The following SAMD12 variants were observed in gnomAD, a reference collection of about 807,000 sequenced individuals.
SAMD12 encodes the protein sterile alpha motif domain-containing protein 12.
A neutral mutation model predicts 15.0 loss-of-function variants in SAMD12; 9 were observed. The observed-to-expected ratio is 0.60, with a 90% CI of 0.36 to 1.05. The LOEUF (loss-of-function observed/expected upper bound fraction) is 1.05, where lower values mean the gene tolerates loss of function less well. Ranked by LOEUF, SAMD12 falls within the 50% of genes least tolerant of loss-of-function variation. The pLI is 0.01. For synonymous variants in SAMD12, 86 were observed against 90.1 expected, an observed-to-expected ratio of 0.96 and a Z score of 0.25; for missense variants, 230 against 234.2, an observed-to-expected ratio of 0.98 and a Z score of 0.12.
At chr8:118,478,787 T>G (rs1824038967) in intron 2 of SAMD12, among the ~76,000 whole-genome samples, 1 of 152,202 alleles carries the variant, frequency 6.6e-6, no homozygotes, top group Non-Finnish European at 1.5e-5. Context: ...ATTGATCTGC[T>G]TTTCATGATC....
intron 2 of SAMD12, among the ~76,000 whole-genome samples, chr8:118,477,190 T>G (rs1823985594): frequency 6.6e-6 from 1 of 152,000 alleles, no homozygotes; most frequent in Admixed American, 6.6e-5. Flanking sequence ...CTCAGCCTCC[T>G]GAGTAGCTGG....
chr8:118,357,904 G>C (rs1483458138), intron 4 of SAMD12, among the ~76,000 whole-genome samples: 1 of 152,114 alleles, frequency 6.6e-6, no homozygotes, highest in Non-Finnish European at 1.5e-5. Flanking sequence ...TCAGCACTTT[G>C]GGAGACCAAG....
rs750223777 is a variant in SAMD12 at position 118,526,471 on chromosome 8, C to G, written c.192+54244G>C. 3.0e-4 allele frequency among the ~76,000 whole-genome samples: 46 copies of G among 152,034 alleles called. 1 individual carries two copies. The highest frequency in any genetic ancestry group is 6.2e-4 in the South Asian group (3 of 4,818). ...TAGCTCTGGGATGAAGCCCAGAGACCTGTAGTTTTAATAGGCACCCAGGTG... is the reference window on the plus strand; with the variant it reads ...TAGCTCTGGGATGAAGCCCAGAGACGTGTAGTTTTAATAGGCACCCAGGTG... On this transcript the variant is annotated intron_variant, in intron 2 of 3. Coordinates refer to ENST00000314727, the MANE Select transcript of SAMD12 (RefSeq NM_207506.3).
At chr8:118,207,636 C>T (rs1819898488) in intron 4 of SAMD12, among the ~76,000 whole-genome samples, 1 of 152,222 alleles carries the variant, frequency 6.6e-6, no homozygotes, top group Admixed American at 6.5e-5. Context: ...CTCTTAGTCA[C>T]AGAGCACAGA....
intron 4 of SAMD12, among the ~76,000 whole-genome samples, chr8:118,258,399 A>G (rs1472358276): frequency 2.6e-5 from 4 of 152,104 alleles, no homozygotes; most frequent in African/African-American, 7.2e-5. Context: ...CATATTGGTG[A>G]TTGGGGAGTT....
chr8:118,458,742 G>A (rs1313177644), intron 2 of SAMD12, among the ~76,000 whole-genome samples: 3 of 152,254 alleles, frequency 2.0e-5, no homozygotes, highest in Non-Finnish European at 4.4e-5. Context: ...CTCTATTTTA[G>A]CTAGCTTTTC....
At chr8:118,475,177 T>G (rs936964462) in intron 2 of SAMD12, among the ~76,000 whole-genome samples, 1 of 152,190 alleles carries the variant, frequency 6.6e-6, no homozygotes, top group African/African-American at 2.4e-5. Context: ...AGGTGGAGGT[T>G]GCAGTGAGCT....
At chr8:118,168,221 C>A in the SAMD12 span, among the ~76,000 whole-genome samples, 4 of 152,176 alleles carry the variant, frequency 2.6e-5, no homozygotes, top group African/African-American at 9.7e-5. Context: ...GACTAATACA[C>A]AATGGCTCTT....
chr8:118,416,461 T>C (rs1821695975), intron 3 of SAMD12, among the ~76,000 whole-genome samples: 1 of 152,178 alleles, frequency 6.6e-6, no homozygotes, highest in South Asian at 2.1e-4. Flanking sequence ...TCAGGTGGAA[T>C]CAAGAAAATC....
exon 5 of SAMD12, chr8:118,197,705 C>T (rs762759010): frequency 5.6e-6 from 9 of 1,612,880 alleles, no homozygotes; most frequent in East Asian, 4.5e-5. Flanking sequence ...GAAGGCTAAC[C>T]GTGTTTATGG....
intron 4 of SAMD12, among the ~76,000 whole-genome samples, chr8:118,215,008 C>T (rs536689690): frequency 6.6e-6 from 1 of 152,240 alleles, no homozygotes; most frequent in African/African-American, 2.4e-5. Context: ...TTACTTGCAG[C>T]ACTATTTAAA....
chr8:118,156,183 A>G, the SAMD12 span, among the ~76,000 whole-genome samples: 1 of 152,240 alleles, frequency 6.6e-6, no homozygotes, highest in Admixed American at 6.5e-5. Context: ...TCTGTAGCTC[A>G]GTAACTGCAA....
chr8:118,268,063 G>A (rs1813251247), intron 4 of SAMD12, among the ~76,000 whole-genome samples: 1 of 152,188 alleles, frequency 6.6e-6, no homozygotes, highest in South Asian at 2.1e-4. Flanking sequence ...TTGCACTCCA[G>A]CCTGGGCAAC....
At position 118,229,521 on chromosome 8, in the gene SAMD12, CT is replaced by C. The variant is rs572803763; in HGVS notation, c.434-31790del. ...TTACGTTTAGCCTTCTCTCCTTCTC[CT>C]TTCTAACTTCACTATGGACATTGAG... is the stretch of plus-strand genomic sequence containing the variant. On this transcript the variant is annotated intron_variant, in intron 4 of 4. Transcript: ENST00000409003. 2.8e-3 allele frequency among the ~76,000 whole-genome samples: 420 copies of C among 152,246 alleles called. 2 individuals carry two copies. Among genetic ancestry groups the C allele is most frequent in the Non-Finnish European group, 4.6e-3 (316 of 68,022 alleles).
At chr8:118,259,833 G>C (rs1813035130) in intron 4 of SAMD12, among the ~76,000 whole-genome samples, 1 of 152,050 alleles carries the variant, frequency 6.6e-6, no homozygotes, top group Non-Finnish European at 1.5e-5. Flanking sequence ...CTTTAGACCT[G>C]CTTATTTCTA....
intron 1 of SAMD12, 138 bp downstream of exon 1, chr8:118,621,666 A>G (rs1367672523): frequency 1.1e-6 from 1 of 938,462 alleles, no homozygotes; most frequent in Non-Finnish European, 1.7e-6. Flanking sequence ...GTGAGTGCCA[A>G]GAGGTGGAGG....
intron 3 of SAMD12, among the ~76,000 whole-genome samples, chr8:118,399,989 C>A (rs1323145167): frequency 2.0e-5 from 3 of 152,134 alleles, no homozygotes; most frequent in Non-Finnish European, 2.9e-5. Flanking sequence ...GATAAATCTG[C>A]TGCTAAAAAT....
At chr8:118,564,530 A>G (rs1380501303) in intron 2 of SAMD12, among the ~76,000 whole-genome samples, 1 of 152,226 alleles carries the variant, frequency 6.6e-6, no homozygotes, top group East Asian at 1.9e-4. Context: ...GACTGAAAAG[A>G]GCACTGACAG....
intron 2 of SAMD12, among the ~76,000 whole-genome samples, chr8:118,514,929 G>A (rs191961169): frequency 6.6e-6 from 1 of 152,294 alleles, no homozygotes; most frequent in Admixed American, 6.5e-5. Flanking sequence ...GGAGGTGATT[G>A]GATCATGCGA....
Sources: gnomAD v4.1 joint callset for allele counts (sites outside exome capture counted in the v4.1 genomes callset) on GRCh38, gnomAD v4.1.1 for gene constraint, MANE v1.5 for transcripts, NCBI Gene and HGNC (gene_info 2026-07-23, HGNC 2026-07-21) for gene names.